The following MELK variants were observed in gnomAD, a reference collection of about 807,000 sequenced individuals.
MELK encodes pEg3 kinase.
In MELK, 81 loss-of-function variants were observed where a neutral mutation model predicts 85.0. The observed-to-expected ratio is 0.95, with a 90% CI of 0.80 to 1.15. The LOEUF (loss-of-function observed/expected upper bound fraction) is 1.15. Among genes scored for constraint, MELK ranks in the 50% most tolerant of loss-of-function variants. MELK has a pLI of 0.00. For synonymous variants in MELK, 252 were observed against 265.0 expected, an observed-to-expected ratio of 0.95 and a Z score of 0.48; for missense variants, 754 against 777.5, an observed-to-expected ratio of 0.97 and a Z score of 0.36.
intron 2 of MELK, among the ~76,000 whole-genome samples, chr9:36,582,394 G>A (rs1266552449): frequency 6.6e-6 from 1 of 152,162 alleles, no homozygotes; most frequent in Non-Finnish European, 1.5e-5. Flanking sequence ...GGATGAAGGA[G>A]GGCAAGAGCA....
intron 6 of MELK, 58 bp from the exon 7 acceptor site, chr9:36,599,336 A>G: frequency 9.5e-7 from 1 of 1,047,804 alleles, no homozygotes; most frequent in South Asian, 1.5e-5. Context: ...AATGTTTATC[A>G]AGGTTTAATT....
At chr9:36,630,667 A>C (rs1035688802) in intron 9 of MELK, among the ~76,000 whole-genome samples, 9 of 152,104 alleles carry the variant, frequency 5.9e-5, no homozygotes, top group Non-Finnish European at 1.2e-4. Context: ...TGATTGATGG[A>C]GATAGAGTCT....
intron 6 of MELK, among the ~76,000 whole-genome samples, chr9:36,598,732 C>A (rs1417433073): frequency 6.6e-6 from 1 of 151,930 alleles, no homozygotes; most frequent in Non-Finnish European, 1.5e-5. Context: ...TAAATTTTTC[C>A]CCCCGGGATA....
intron 8 of MELK, among the ~76,000 whole-genome samples, chr9:36,627,927 GT>G: frequency 6.6e-6 from 1 of 151,748 alleles, no homozygotes; most frequent in African/African-American, 2.4e-5. Flanking sequence ...TTGAGACGGA[GT>G]TTCACTCTTG....
At chr9:36,650,967 G>A (rs1339309093) in intron 11 of MELK, among the ~76,000 whole-genome samples, 1 of 152,150 alleles carries the variant, frequency 6.6e-6, no homozygotes, top group African/African-American at 2.4e-5. Flanking sequence ...TTTATCTTCA[G>A]GAAAAACAAA....
chr9:36,615,629 C>G (rs1826636366), intron 8 of MELK, among the ~76,000 whole-genome samples: 1 of 133,450 alleles, frequency 7.5e-6, no homozygotes. Flanking sequence ...GGTCTCCTCA[C>G]TTCTCAGACG....
chr9:36,666,465 A>G (rs1024271508), intron 14 of MELK, among the ~76,000 whole-genome samples: 22 of 152,218 alleles, frequency 1.4e-4, no homozygotes, highest in African/African-American at 5.1e-4. Flanking sequence ...TATGTAATGA[A>G]TTAATAAATT....
intron 16 of MELK, 140 bp downstream of exon 16, chr9:36,671,306 A>G: frequency 1.0e-6 from 1 of 985,022 alleles, no homozygotes; most frequent in Non-Finnish European, 1.4e-6. Context: ...TTTTTTGAGC[A>G]ACTAAAATCT....
intron 7 of MELK, among the ~76,000 whole-genome samples, chr9:36,605,313 A>G (rs888191426): frequency 2.0e-5 from 3 of 152,016 alleles, no homozygotes; most frequent in Non-Finnish European, 4.4e-5. Context: ...GGTTCAAGCA[A>G]TTCTCCTGCC....
Position 36,643,094 on chromosome 9 carries a change from C to G in MELK, c.921+11C>G. The G allele has an allele frequency of 6.2e-7, 1 of 1,607,586 alleles. No homozygotes were observed. Among genetic ancestry groups the G allele is most frequent in the Non-Finnish European group, 8.5e-7 (1 of 1,175,532 alleles). ...GATTTAATTTCACTGGTAAGAAATA[C>G]AGCATGGGCTGGGCGCAGTGGCTCA... On this transcript the variant is annotated intron_variant, in intron 11 of 17. Coordinates refer to ENST00000298048, the MANE Select transcript of MELK (RefSeq NM_014791.4).
chr9:36,617,433 A>G (rs1826947787), intron 8 of MELK, among the ~76,000 whole-genome samples: 1 of 151,966 alleles, frequency 6.6e-6, no homozygotes, highest in Admixed American at 6.6e-5. Context: ...CCTGGGCTCA[A>G]GTGATCCTCC....
intron 11 of MELK, among the ~76,000 whole-genome samples, chr9:36,648,782 C>G (rs1830441982): frequency 6.6e-6 from 1 of 152,136 alleles, no homozygotes; most frequent in African/African-American, 2.4e-5. Context: ...GAGGAGCCTT[C>G]AAGGTATTGA....
chr9:36,584,594 A>G (rs959050327), intron 3 of MELK, among the ~76,000 whole-genome samples: 14 of 150,314 alleles, frequency 9.3e-5, no homozygotes, highest in African/African-American at 3.2e-4. Context: ...CGACCTCCCA[A>G]AGTGCTGGGA....
chr9:36,620,745 T>G (rs1827319055), intron 8 of MELK, among the ~76,000 whole-genome samples: 2 of 151,086 alleles, frequency 1.3e-5, no homozygotes, highest in Admixed American at 6.6e-5. Context: ...GAGACGGGGT[T>G]TCACCATATT....
At chr9:36,664,909 C>G (rs555793261) in intron 13 of MELK, among the ~76,000 whole-genome samples, 3 of 152,348 alleles carry the variant, frequency 2.0e-5, no homozygotes, top group African/African-American at 7.2e-5. Flanking sequence ...CTCTTGCAAG[C>G]TCAACCATAA....
At chr9:36,584,719 C>CT (rs869168768) in intron 3 of MELK, among the ~76,000 whole-genome samples, 4,845 of 129,740 alleles carry the variant, frequency 0.037, 282 homozygotes, top group African/African-American at 0.099. Flanking sequence ...TATGTCCTAG[C>CT]TTTTTTTTTT....
At chr9:36,580,881 A>T (rs1038943329) in intron 1 of MELK, among the ~76,000 whole-genome samples, 7 of 151,566 alleles carry the variant, frequency 4.6e-5, no homozygotes, top group Admixed American at 1.3e-4. Flanking sequence ...GGTGAATGCC[A>T]CCCCGCTTGG....
At chr9:36,632,754 T>C (rs1828760285) in intron 9 of MELK, among the ~76,000 whole-genome samples, 2 of 152,246 alleles carry the variant, frequency 1.3e-5, no homozygotes, top group Admixed American at 6.5e-5. Flanking sequence ...ATGCCCTGCA[T>C]TGTGGCTGCT....
intron 12 of MELK, 25 bp downstream of exon 12, chr9:36,651,902 T>C: frequency 6.2e-7 from 1 of 1,604,838 alleles, no homozygotes; most frequent in Non-Finnish European, 8.5e-7. Flanking sequence ...CTGTTGTGTC[T>C]TGCCACGTGC....
Sources: allele counts gnomAD v4.1 joint callset (sites outside exome capture counted in the v4.1 genomes callset), GRCh38; gene constraint gnomAD v4.1.1; transcripts MANE v1.5; gene names NCBI Gene and HGNC (gene_info 2026-07-23, HGNC 2026-07-21).